CACNA2D3: variants seen among roughly 807,000 people sequenced by gnomAD.
The protein encoded by CACNA2D3 is voltage-dependent calcium channel subunit alpha-2/delta-3.
In CACNA2D3, 60 loss-of-function variants were observed where a neutral mutation model predicts 160.6. That is an observed-to-expected ratio of 0.37 (90% CI 0.30 to 0.46). The LOEUF (loss-of-function observed/expected upper bound fraction) is 0.46. CACNA2D3 is among the 20% of genes least tolerant of loss of function. The probability of loss-of-function intolerance (pLI) is 1.00; values close to 1 mark genes in which losing one functional copy is unlikely to be tolerated. For synonymous variants in CACNA2D3, 558 were observed against 492.9 expected, an observed-to-expected ratio of 1.13 and a Z score of -1.75; for missense variants, 1,205 against 1,365.0, an observed-to-expected ratio of 0.88 and a Z score of 1.85.
At chr3:54,718,943 T>A (rs1024351913) in intron 11 of CACNA2D3, among the ~76,000 whole-genome samples, 28 of 151,966 alleles carry the variant, frequency 1.8e-4, no homozygotes, top group Admixed American at 6.5e-4. Context: ...TAGAGTTTTT[T>A]AATTTTTTAT....
chr3:54,317,515 G>A (rs1476563212), intron 2 of CACNA2D3, among the ~76,000 whole-genome samples: 1 of 152,106 alleles, frequency 6.6e-6, no homozygotes, highest in African/African-American at 2.4e-5. Flanking sequence ...CCAAGCCTGA[G>A]AGCAAGAGTG....
chr3:55,035,943 A>T (rs1703806931), intron 35 of CACNA2D3, among the ~76,000 whole-genome samples: 1 of 152,220 alleles, frequency 6.6e-6, no homozygotes, highest in Non-Finnish European at 1.5e-5. Flanking sequence ...TAGATAATTC[A>T]AGAGAAAGGT....
intron 11 of CACNA2D3, among the ~76,000 whole-genome samples, chr3:54,654,602 G>A (rs1220385392): frequency 6.6e-6 from 1 of 152,138 alleles, no homozygotes; most frequent in Non-Finnish European, 1.5e-5. Flanking sequence ...GAAGCTTGGG[G>A]GAGAAGCTCT....
At chr3:54,845,715 A>G (rs1347556951) in intron 16 of CACNA2D3, among the ~76,000 whole-genome samples, 5 of 152,268 alleles carry the variant, frequency 3.3e-5, no homozygotes, top group Non-Finnish European at 2.9e-5. Context: ...ACTATTTCCC[A>G]TAGTCCCATT....
intron 2 of CACNA2D3, among the ~76,000 whole-genome samples, chr3:54,238,064 G>T (rs1322400799): frequency 6.6e-6 from 1 of 152,118 alleles, no homozygotes; most frequent in Non-Finnish European, 1.5e-5. Context: ...GTTCTGAGGT[G>T]CCTACTTGAA....
At chr3:54,278,752 C>T (rs1296156596) in intron 2 of CACNA2D3, among the ~76,000 whole-genome samples, 1 of 152,040 alleles carries the variant, frequency 6.6e-6, no homozygotes, top group African/African-American at 2.4e-5. Flanking sequence ...CCAAACACCG[C>T]ATGTTCTCAC....
At chr3:54,421,522 G>T (rs1238558811) in intron 4 of CACNA2D3, among the ~76,000 whole-genome samples, 2 of 152,064 alleles carry the variant, frequency 1.3e-5, no homozygotes, top group Non-Finnish European at 2.9e-5. Flanking sequence ...GGGCCTCAGG[G>T]GTCCCTTGGG....
chr3:54,513,114 G>A (rs1018570327), intron 5 of CACNA2D3, among the ~76,000 whole-genome samples: 9 of 152,160 alleles, frequency 5.9e-5, no homozygotes, highest in African/African-American at 1.2e-4. Flanking sequence ...AGATTTGGGC[G>A]GGGACACAGC....
At chr3:54,964,900 G>A (rs1702112182) in intron 27 of CACNA2D3, among the ~76,000 whole-genome samples, 2 of 151,128 alleles carry the variant, frequency 1.3e-5, no homozygotes, top group South Asian at 2.1e-4. Flanking sequence ...CGTTACTCTC[G>A]ATCCCTTACT....
At chr3:54,642,781 A>G (rs956920888) in intron 11 of CACNA2D3, among the ~76,000 whole-genome samples, 1 of 152,136 alleles carries the variant, frequency 6.6e-6, no homozygotes, top group Non-Finnish European at 1.5e-5. Context: ...TTTTGAGGCC[A>G]TTGTGAGGTT....
chr3:54,864,440 T>G (rs1699357771), intron 17 of CACNA2D3, among the ~76,000 whole-genome samples: 1 of 152,098 alleles, frequency 6.6e-6, no homozygotes, highest in African/African-American at 2.4e-5. Flanking sequence ...GCTCAGCTAA[T>G]TTTTGTGTTT....
chr3:54,659,847 G>C (rs1376534786), intron 11 of CACNA2D3, among the ~76,000 whole-genome samples: 1 of 152,180 alleles, frequency 6.6e-6, no homozygotes, highest in East Asian at 1.9e-4. Flanking sequence ...CCAGAGCTTA[G>C]TGCCTGGCAC....
intron 11 of CACNA2D3, among the ~76,000 whole-genome samples, chr3:54,695,610 CT>C (rs1410121998): frequency 1.3e-5 from 2 of 152,208 alleles, no homozygotes; most frequent in East Asian, 1.9e-4. Context: ...TAGAGATGAA[CT>C]TTTAAAAAAC....
intron 4 of CACNA2D3, among the ~76,000 whole-genome samples, chr3:54,467,154 G>C (rs1160986479): frequency 2.6e-5 from 4 of 152,218 alleles, no homozygotes; most frequent in African/African-American, 9.6e-5. Flanking sequence ...CATTGCGTCA[G>C]ATGATTTGTC....
rs530821591 is a variant in CACNA2D3, at chr3:54,655,435, G to A, written c.1167+13194G>A. 8.3e-4 allele frequency among the ~76,000 whole-genome samples: 127 copies of A among 152,286 alleles called. 2 individuals carry two copies. The highest frequency in any genetic ancestry group is 2.3e-3 in the South Asian group (11 of 4,826). On this transcript the variant is annotated intron_variant, in intron 11 of 37. Coordinates refer to ENST00000474759, the MANE Select transcript of CACNA2D3 (RefSeq NM_018398.3). ...TCGTTACCATAATTTTCAACCACTC[G>A]CATTGTTAAAATCCGTCTGCTGTAG... is the stretch of plus-strand genomic sequence containing the variant.
intron 3 of CACNA2D3, among the ~76,000 whole-genome samples, chr3:54,346,953 G>A (rs1428868700): frequency 2.0e-5 from 3 of 152,164 alleles, no homozygotes; most frequent in East Asian, 3.8e-4. Context: ...CAATTTTTGA[G>A]TATACAATTG....
At chr3:54,368,531 C>G (rs990199630) in intron 3 of CACNA2D3, among the ~76,000 whole-genome samples, 2 of 151,348 alleles carry the variant, frequency 1.3e-5, no homozygotes, top group Non-Finnish European at 2.9e-5. Context: ...AGTGAGTGAG[C>G]ACAGAACAGA....
intron 9 of CACNA2D3, among the ~76,000 whole-genome samples, chr3:54,611,435 C>G (rs1394138451): frequency 6.6e-6 from 1 of 152,200 alleles, no homozygotes; most frequent in Non-Finnish European, 1.5e-5. Flanking sequence ...TGACTTCTCT[C>G]CACAGATAGG....
At chr3:54,607,396 A>G (rs11714443) in intron 9 of CACNA2D3, among the ~76,000 whole-genome samples, 2,036 of 152,198 alleles carry the variant, frequency 0.013, 19 homozygotes, top group Non-Finnish European at 0.021. Context: ...ATCTTGGCTC[A>G]CTGCAACCTC....
Sources: allele counts gnomAD v4.1 joint callset (sites outside exome capture counted in the v4.1 genomes callset), GRCh38; gene constraint gnomAD v4.1.1; transcripts MANE v1.5; gene names NCBI Gene and HGNC (gene_info 2026-07-23, HGNC 2026-07-21).